Variants in ANKS1B observed in about 807,000 individuals in gnomAD.
ANKS1B encodes ankyrin repeat and sterile alpha motif domain containing 1B.
Under a neutral mutation model 148.3 loss-of-function variants are expected in ANKS1B, and 36 were observed. That is an observed-to-expected ratio of 0.24 (90% CI 0.19 to 0.32). The LOEUF (loss-of-function observed/expected upper bound fraction) is 0.32, where lower values mean the gene tolerates loss of function less well. Among genes scored for constraint, ANKS1B ranks in the 10% least tolerant of loss-of-function variants. The pLI is 1.00. For synonymous variants in ANKS1B, 542 were observed against 560.8 expected (o/e 0.97, Z 0.47); for missense variants, 1,157 against 1,542.6 (o/e 0.75, Z 4.19).
At position 99,401,296 on chromosome 12, in the gene ANKS1B, C is replaced by G. The variant is rs1285393620; in HGVS notation, c.1576-1485G>C. Among the ~76,000 whole-genome samples, 4 of 146,096 alleles carry G rather than the reference C, an allele frequency of 2.7e-5. 1 individual carries two copies. The highest frequency in any genetic ancestry group is 6.0e-5 in the Non-Finnish European group (4 of 66,158). ...CATTCAATGTCCTTTCCACCACATT[C>G]TATAATAGCAATTAGAAAGGCATGA... is the stretch of plus-strand genomic sequence containing the variant. On this transcript the variant is annotated intron_variant, in intron 11 of 26. Coordinates refer to ENST00000683438, the MANE Select transcript of ANKS1B (RefSeq NM_001352186.2).
Position 99,246,788 on chromosome 12 carries a change from T to C in ANKS1B, c.1833A>G (p.Gly611=), listed in dbSNP as rs1170149687. ...DPGQFAGLLH[G]SSPACESPEN... is the part of the protein sequence containing the mutation. ...CAGGGGACTCACAGGCTGGAGAGGATCCATGGAGCAGGCCTGCAAATTGCC... is the reference window on the plus strand; with the variant it reads ...CAGGGGACTCACAGGCTGGAGAGGACCCATGGAGCAGGCCTGCAAATTGCC... Residue 611 remains glycine, a synonymous_variant, in exon 13 of 27, where the codon GGA becomes GGG. Coordinates refer to ENST00000683438, the MANE Select transcript of ANKS1B (RefSeq NM_001352186.2). The C allele has an allele frequency of 6.2e-7, 1 of 1,613,464 alleles. No homozygotes were observed. The highest frequency in any genetic ancestry group is 8.5e-7 in the Non-Finnish European group (1 of 1,179,820).
chr12:99,375,448 G>A (rs1270795272), intron 12 of ANKS1B, among the ~76,000 whole-genome samples: 1 of 152,150 alleles, frequency 6.6e-6, no homozygotes, highest in African/African-American at 2.4e-5. Context: ...TTCCTTGTCT[G>A]AGAAATGTTG....
chr12:98,823,052 T>G (rs745894690), intron 19 of ANKS1B, among the ~76,000 whole-genome samples: 8 of 152,240 alleles, frequency 5.3e-5, no homozygotes, highest in Non-Finnish European at 7.3e-5. Context: ...AAAAAAGGTG[T>G]ACAATACATC....
intron 17 of ANKS1B, among the ~76,000 whole-genome samples, chr12:98,993,735 G>A (rs1425203645): frequency 6.6e-6 from 1 of 152,172 alleles, no homozygotes; most frequent in Non-Finnish European, 1.5e-5. Context: ...TTGGCTAAAT[G>A]CTGAAAGAAA....
intron 14 of ANKS1B, among the ~76,000 whole-genome samples, chr12:99,163,572 C>T (rs2076910935): frequency 6.6e-6 from 1 of 151,922 alleles, no homozygotes. Context: ...ACACCGACAG[C>T]ACCATCATAA....
intron 15 of ANKS1B, among the ~76,000 whole-genome samples, chr12:99,152,265 ATAAT>A (rs1388368905): frequency 3.3e-5 from 5 of 152,166 alleles, no homozygotes; most frequent in Admixed American, 6.6e-5. Flanking sequence ...CTTCATTTTC[ATAAT>A]TAATTAACTC....
In ANKS1B at chr12:99,866,832, C is replaced by T. The variant is rs372416541; in HGVS notation, c.135-41443G>A. ...AATGTAGTGATCACCTAATCTAAGG[C>T]CATAATTTTATAGATAAGGGAATAG... On this transcript the variant is annotated intron_variant, in intron 1 of 26. Coordinates refer to ENST00000683438, the MANE Select transcript of ANKS1B (RefSeq NM_001352186.2). 1.2e-4 allele frequency among the ~76,000 whole-genome samples: 19 copies of T among 152,012 alleles called. No homozygotes were observed. The East Asian group carries it at 3.5e-3, about 28-fold the overall frequency.
At chr12:99,840,810 C>T (rs1444451355) in intron 1 of ANKS1B, among the ~76,000 whole-genome samples, 1 of 152,066 alleles carries the variant, frequency 6.6e-6, no homozygotes, top group Non-Finnish European at 1.5e-5. Flanking sequence ...TCTCCTTACA[C>T]AAACTGCATT....
intron 15 of ANKS1B, among the ~76,000 whole-genome samples, chr12:99,092,470 GA>G (rs5800375): frequency 0.55 from 64,648 of 116,590 alleles, 16,563 homozygotes; most frequent in East Asian, 0.71. Context: ...CTGTGAAGCT[GA>G]AAAAAAAAAA....
intron 18 of ANKS1B, chr12:98,831,621 TTTGA>T (rs67345460): frequency 0.012 from 1,921 of 157,638 alleles, 24 homozygotes; most frequent in South Asian, 0.021. Context: ...ATCTTGTTGT[TTTGA>T]TTGTGTCAAA....
At chr12:98,742,255 CAAAT>C (rs1486886534), downstream of ANKS1B, among the ~76,000 whole-genome samples, 4 of 152,028 alleles carry the variant, frequency 2.6e-5, no homozygotes, top group Non-Finnish European at 4.4e-5. Flanking sequence ...TTGGAGATGA[CAAAT>C]GAAGGATGTC....
chr12:99,316,476 G>A (rs1022412061), intron 12 of ANKS1B, among the ~76,000 whole-genome samples: 1 of 152,150 alleles, frequency 6.6e-6, no homozygotes, highest in Non-Finnish European at 1.5e-5. Flanking sequence ...TTTCTTTTGA[G>A]AAGTGTCTGT....
chr12:98,993,659 A>G (rs1383845155), intron 17 of ANKS1B, among the ~76,000 whole-genome samples: 1 of 152,242 alleles, frequency 6.6e-6, no homozygotes, highest in Non-Finnish European at 1.5e-5. Flanking sequence ...TCCAAAAAAC[A>G]GTGAGCTGTA....
intron 1 of ANKS1B, among the ~76,000 whole-genome samples, chr12:99,979,988 C>T (rs2095675044): frequency 6.6e-6 from 1 of 151,378 alleles, no homozygotes; most frequent in Non-Finnish European, 1.5e-5. Flanking sequence ...AGTTAATACG[C>T]TGAAAGACAG....
chr12:99,957,951 G>A (rs2095348307), intron 1 of ANKS1B, among the ~76,000 whole-genome samples: 1 of 152,152 alleles, frequency 6.6e-6, no homozygotes, highest in African/African-American at 2.4e-5. Context: ...CAAAGTTTCA[G>A]ACTTAAAGGA....
chr12:99,366,878 TAAAC>T (rs1566966286), intron 12 of ANKS1B, among the ~76,000 whole-genome samples: 1 of 152,064 alleles, frequency 6.6e-6, no homozygotes, highest in African/African-American at 2.4e-5. Context: ...AAAATCATCA[TAAAC>T]AAAATCAGAG....
intron 12 of ANKS1B, among the ~76,000 whole-genome samples, chr12:99,269,504 A>ATT (rs35128190): frequency 1.6e-4 from 24 of 148,020 alleles, no homozygotes; most frequent in Non-Finnish European, 3.1e-4. Context: ...AAATAAGCAG[A>ATT]TTTTTTTTTT....
intron 9 of ANKS1B, among the ~76,000 whole-genome samples, chr12:99,607,888 A>G (rs2097862572): frequency 6.6e-6 from 1 of 152,088 alleles, no homozygotes; most frequent in Non-Finnish European, 1.5e-5. Flanking sequence ...ATTAACAGAG[A>G]TCAGTCTTAT....
At chr12:99,333,741 C>T (rs1410363272) in intron 12 of ANKS1B, among the ~76,000 whole-genome samples, 1 of 151,920 alleles carries the variant, frequency 6.6e-6, no homozygotes, top group Admixed American at 6.6e-5. Context: ...AAGAAAATAG[C>T]CTTCCCTTTT....
Sources: gnomAD v4.1 joint callset for allele counts (sites outside exome capture counted in the v4.1 genomes callset) on GRCh38, gnomAD v4.1.1 for gene constraint, MANE v1.5 for transcripts, NCBI Gene and HGNC (gene_info 2026-07-23, HGNC 2026-07-21) for gene names.